Variants in POLRMT observed in about 807,000 individuals in gnomAD.
POLRMT encodes the protein DNA-directed RNA polymerase, mitochondrial.
A neutral mutation model predicts 132.2 loss-of-function variants in POLRMT; 114 were observed. The observed-to-expected ratio is 0.86, with a 90% CI of 0.74 to 1.01. The LOEUF is 1.01. Ranked by LOEUF, POLRMT falls within the 50% of genes least tolerant of loss-of-function variation. POLRMT has a pLI of 0.00. For missense variants in POLRMT, 2,003 were observed against 1,729.1 expected, an observed-to-expected ratio of 1.16 and a Z score of -2.81; for synonymous variants, 1,020 against 773.4, an observed-to-expected ratio of 1.32 and a Z score of -5.29.
chr19:631,656 G>A (rs1985427875), intron 2 of POLRMT, among the ~76,000 whole-genome samples: 1 of 152,122 alleles, frequency 6.6e-6, no homozygotes, highest in South Asian at 2.1e-4. Context: ...AAAAATTGCT[G>A]AAATAAAAAG....
At chr19:626,082 AGGT>A (rs1161568651) in intron 3 of POLRMT, among the ~76,000 whole-genome samples, 1 of 152,088 alleles carries the variant, frequency 6.6e-6, no homozygotes, top group Non-Finnish European at 1.5e-5. Flanking sequence ...GACTTCTGAC[AGGT>A]GGTGTTTTCA....
In POLRMT at chr19:630,049, T is replaced by C. The variant is rs754106520; in HGVS notation, c.313A>G (p.Arg105Gly). Reference protein sequence around the residue: ...GSGDGSLQPPRKVQMGAKDAT... With the variant: ...GSGDGSLQPPGKVQMGAKDAT... Reference sequence around the variant, plus strand: ...TCCTTGGCCCCCATCTGGACCTTCCTGGGTGGCTGGAGGCTACCATCTCCA... The same window carrying C: ...TCCTTGGCCCCCATCTGGACCTTCCCGGGTGGCTGGAGGCTACCATCTCCA... The change falls in exon 3 of 21, where the codon AGG becomes GGG. Residue 105 changes from arginine to glycine, a missense_variant. Physicochemically the swap from Arg to Gly is moderately radical, Grantham distance 125. Coordinates refer to ENST00000588649, the MANE Select transcript of POLRMT (RefSeq NM_005035.4). The C allele has an allele frequency of 1.1e-5, 18 of 1,613,894 alleles. No homozygotes were observed. In the South Asian group the frequency reaches 1.6e-4, roughly 15 times the overall value.
chr19:632,782 G>C, intron 2 of POLRMT, 52 bp downstream of exon 2: 1 of 1,437,674 alleles, frequency 7.0e-7, no homozygotes, highest in Non-Finnish European at 9.3e-7. Flanking sequence ...TTTTCTCCCG[G>C]CAGCAGGGAG....
At position 621,737 on chromosome 19, in the gene POLRMT, G is replaced by C. The variant is rs1040012478; in HGVS notation, c.1961C>G (p.Pro654Arg). Residue 654 changes from proline (P) to arginine (R), a missense_variant, in exon 10 of 21, where the codon CCC becomes CGC. Physicochemically the swap from Pro to Arg is moderately radical, Grantham distance 103. Transcript: ENST00000588649. Reference protein sequence around the residue: ...VDVPMLCPPLPWTSPHSGAFL... With the variant: ...VDVPMLCPPLRWTSPHSGAFL... ...AGCACCAGAGTGCGGCGATGTCCAGGGCAGCGGGGGGCAAAGCATGGGTAC... is the reference window on the plus strand; with the variant it reads ...AGCACCAGAGTGCGGCGATGTCCAGCGCAGCGGGGGGCAAAGCATGGGTAC... 2 of 1,600,120 alleles carry C rather than the reference G, an allele frequency of 1.2e-6. No homozygotes were observed. Among genetic ancestry groups the C allele is most frequent in the Non-Finnish European group, 8.5e-7 (1 of 1,179,126 alleles).
rs909051159 is a variant in POLRMT at position 629,774 on chromosome 19, C to G, written c.588G>C (p.Gln196His). The G allele has an allele frequency of 4.5e-6, 7 of 1,568,410 alleles. No homozygotes were observed. In the African/African-American group the frequency reaches 9.5e-5, roughly 21 times the overall value. The change falls in exon 3 of 21, where the codon CAG (glutamine) becomes CAC (histidine). Residue 196 changes from glutamine (Q) to histidine (H), a missense_variant. Coordinates refer to ENST00000588649, the MANE Select transcript of POLRMT (RefSeq NM_005035.4). ...PWEEQLARLL[Q>H]EAPGKLSLDV... ...CGAGGCTCAGCTTCCCAGGGGCCTC[C>G]TGCAGCAGCCGGGCCAGCTGCTCCT... is the stretch of plus-strand genomic sequence containing the variant.
intron 3 of POLRMT, 138 bp downstream of exon 3, chr19:629,402 A>G (rs1261942132): frequency 2.1e-6 from 2 of 970,022 alleles, no homozygotes; most frequent in African/African-American, 3.4e-5. Context: ...TTTGTATTTG[A>G]AAAGCCTAAA....
intron 11 of POLRMT, 41 bp from the exon 12 acceptor site, chr19:620,121 G>C (rs184415798): frequency 6.5e-7 from 1 of 1,532,144 alleles, no homozygotes; most frequent in East Asian, 2.5e-5. Flanking sequence ...AGCTAGAGAG[G>C]CAGAGACGTG....
In POLRMT at chr19:629,595, C is replaced by A. The variant is rs140683573; in HGVS notation, c.767G>T (p.Arg256Leu). ...LVVHHGQRQK[R>L]KLLTLDMYNA... is the part of the protein sequence containing the mutation. Reference sequence around the variant, plus strand: ...GTACATGTCCAGCGTGAGCAGCTTCCGCTTCTGCCGCTGGCCGTGGTGGAC... The same window carrying A: ...GTACATGTCCAGCGTGAGCAGCTTCAGCTTCTGCCGCTGGCCGTGGTGGAC... Residue 256 changes from arginine to leucine, a missense_variant, in exon 3 of 21, where the codon CGG becomes CTG. Arg to Leu is a moderately radical substitution (Grantham distance 102, BLOSUM62 -2). Coordinates refer to ENST00000588649, the MANE Select transcript of POLRMT (RefSeq NM_005035.4). The A allele has an allele frequency of 6.3e-7, 1 of 1,599,040 alleles. No homozygotes were observed. Among genetic ancestry groups the A allele is most frequent in the Non-Finnish European group, 8.5e-7 (1 of 1,174,144 alleles).
chr19:622,833 C>CCG lies in POLRMT; in HGVS notation c.1441_1442dup (p.Met482GlyfsTer24). ...GAGGAAGACGCACCTGCAGGAGCAT[C>CCG]CGCACCACCTCGCGCTCGTCCAGCA... On this transcript the variant is annotated frameshift_variant, in exon 7 of 21. Coordinates refer to ENST00000588649, the MANE Select transcript of POLRMT (RefSeq NM_005035.4). LOFTEE classifies it high-confidence loss of function. 1 of 1,593,500 alleles carries CCG rather than the reference C, an allele frequency of 6.3e-7. No homozygotes were observed. Among genetic ancestry groups the CCG allele is most frequent in the Non-Finnish European group, 8.5e-7 (1 of 1,169,594 alleles).
intron 10 of POLRMT, 77 bp from the exon 11 acceptor site, chr19:620,564 G>T: frequency 6.9e-7 from 1 of 1,438,950 alleles, no homozygotes; most frequent in Non-Finnish European, 9.2e-7. Flanking sequence ...GTTGCGGGGA[G>T]GTGGGAAATG....
At chr19:621,944 C>A in intron 9 of POLRMT, 98 bp from the exon 10 acceptor site, 1 of 1,414,672 alleles carries the variant, frequency 7.1e-7, no homozygotes, top group Non-Finnish European at 9.5e-7. Flanking sequence ...CCCCGGCCAA[C>A]AAGAAACCAG....
chr19:632,905 C>T lies in POLRMT; in HGVS notation c.122G>A (p.Ser41Asn), dbSNP rs1238451089. 1 of 1,538,138 alleles carries T rather than the reference C, an allele frequency of 6.5e-7. No homozygotes were observed. Among genetic ancestry groups the T allele is most frequent in the South Asian group, 1.2e-5 (1 of 84,104 alleles). Residue 41 changes from serine to asparagine, a missense_variant, in exon 2 of 21, where the codon AGC becomes AAC. Transcript: ENST00000588649. ...TAGGVCGPRR[S>N]SSASPQEQDQ... ...TTGCTCCTGGGGGCTGGCGGACGAGCTCCTCCTGGGGCCGCAGACGCCACC... is the reference window on the plus strand; with the variant it reads ...TTGCTCCTGGGGGCTGGCGGACGAGTTCCTCCTGGGGCCGCAGACGCCACC...
At position 633,507 on chromosome 19, in the gene POLRMT, C is replaced by G. The variant is rs748974526; in HGVS notation, c.6G>C (p.Ser2=). ...CCGCTCCGCGGCCCCAGCAAAGTGC[C>G]GACATTACGCACGCCGCTCCAGGCC... The part of the protein sequence containing the change: M[S]ALCWGRGAAG... The change falls in exon 1 of 21, where the codon TCG becomes TCC. Residue 2 remains serine, a synonymous_variant. Transcript: ENST00000588649. 16 of 1,486,158 alleles carry G rather than the reference C, an allele frequency of 1.1e-5. No homozygotes were observed. In the East Asian group the frequency reaches 3.6e-4, roughly 33 times the overall value. The allele number at this position is 1,486,158 out of a possible 1,614,324, so 92.1% of individuals were successfully genotyped here.
Position 623,561 on chromosome 19 carries a change from T to C in POLRMT, c.1183A>G (p.Thr395Ala). The C allele has an allele frequency of 6.2e-7, 1 of 1,613,390 alleles. No homozygotes were observed. The highest frequency in any genetic ancestry group is 1.1e-5 in the South Asian group (1 of 91,050). The change falls in exon 6 of 21, where the codon ACC becomes GCC. Residue 395 changes from threonine to alanine, a missense_variant. Coordinates refer to ENST00000588649, the MANE Select transcript of POLRMT (RefSeq NM_005035.4). ...TGCTTCTCAAAGAGGCACTGCAGGG[T>C]CTTCAAGGGCAGGTGCAGCTTCGGG... The part of the protein sequence containing the change: ...SYPKLHLPLK[T>A]LQCLFEKQLH...
At position 619,220 on chromosome 19, in the gene POLRMT, C is replaced by G; in HGVS notation, c.3143G>C (p.Arg1048Pro). The G allele has an allele frequency of 6.2e-7, 1 of 1,610,850 alleles. No individual in the cohort carries two copies. The highest frequency in any genetic ancestry group is 8.5e-7 in the Non-Finnish European group (1 of 1,179,452). The part of the protein sequence containing the change: ...KSLQEMFSGT[R>P]AIQHWLTESA... ...CAGGACAGGACGTACCTGGATGGCCCGGGTCCCCGAGAACATCTCCTGTAG... is the reference window on the plus strand; with the variant it reads ...CAGGACAGGACGTACCTGGATGGCCGGGGTCCCCGAGAACATCTCCTGTAG... Residue 1048 changes from arginine to proline, a missense_variant, in exon 14 of 21, where the codon CGG (arginine) becomes CCG (proline). Physicochemically the swap from Arg to Pro is moderately radical, Grantham distance 103 (BLOSUM62 -2). Transcript: ENST00000588649.
Position 620,548 on chromosome 19 carries a change from G to C in POLRMT, c.2641-61C>G, listed in dbSNP as rs533298449. The C allele has an allele frequency of 1.6e-4, 242 of 1,468,098 alleles. No individual in the cohort carries two copies. The African/African-American group carries it at 2.9e-3, about 17-fold the overall frequency. 90.9% of individuals were successfully genotyped at this position (1,468,098 alleles called of 1,614,324 possible). A position where few individuals can be genotyped will look rare whatever the true frequency, so the allele number is the denominator to read the frequency against. On this transcript the variant is annotated intron_variant, in intron 10 of 20. Coordinates refer to ENST00000588649, the MANE Select transcript of POLRMT (RefSeq NM_005035.4). ...GGCCCGATCCCTGAGCCCGCTGGGA[G>C]GCTGTGTTGCGGGGAGGTGGGAAAT...
Position 617,616 on chromosome 19 carries a change from T to G in POLRMT, c.3535A>C (p.Ile1179Leu), listed in dbSNP as rs1165357944. 3.1e-6 allele frequency: 5 copies of G among 1,612,416 alleles called. No homozygotes were observed. Among genetic ancestry groups the G allele is most frequent in the East Asian group, 2.2e-5 (1 of 44,880 alleles). The part of the protein sequence containing the change: ...EQFVRLHSEP[I>L]LQDLSRFLVK... ...AGGAATCTGGACAGGTCCTGCAGGATGGGCTCGCTGTGCAAGCGGACAAAC... is the reference window on the plus strand; with the variant it reads ...AGGAATCTGGACAGGTCCTGCAGGAGGGGCTCGCTGTGCAAGCGGACAAAC... Residue 1179 changes from isoleucine (I) to leucine (L), a missense_variant, in exon 19 of 21, where the codon ATC becomes CTC. Transcript: ENST00000588649.
Position 624,854 on chromosome 19 carries a change from G to A in POLRMT, c.1005C>T (p.Thr335=), listed in dbSNP as rs769776448. The part of the protein sequence containing the change: ...QEGLKLQALF[T]AVLLSEEDRA... ...GATCCTCCTCAGACAGCAGAACGGC[G>A]GTGAAGAGTGCCTGCAGCTTCAGCC... The change falls in exon 5 of 21, where the codon ACC becomes ACT. Residue 335 remains threonine, a synonymous_variant. Transcript: ENST00000588649. 6.3e-5 allele frequency: 102 copies of A among 1,612,982 alleles called. No individual in the cohort carries two copies. Among genetic ancestry groups the A allele is most frequent in the Admixed American group, 1.3e-4 (8 of 60,000 alleles).
chr19:620,624 G>A lies in POLRMT; in HGVS notation c.2641-137C>T, dbSNP rs994576136. ...GTGAACACGGGACGCATGTGGGCGA[G>A]AGACGGGGCGGTGGCTGGATGAGTT... On this transcript the variant is annotated intron_variant, in intron 10 of 20. Transcript: ENST00000588649. 1.8e-4 allele frequency: 208 copies of A among 1,141,640 alleles called. No individual in the cohort carries two copies. The African/African-American group carries it at 2.9e-3, about 16-fold the overall frequency. The allele number at this position is 1,141,640 out of a possible 1,614,324, so 70.7% of individuals were successfully genotyped here.
Sources: allele counts gnomAD v4.1 joint callset (sites outside exome capture counted in the v4.1 genomes callset), GRCh38; gene constraint gnomAD v4.1.1; transcripts MANE v1.5; gene names NCBI Gene and HGNC (gene_info 2026-07-23, HGNC 2026-07-21).